TLN2: variants seen among roughly 807,000 people sequenced by gnomAD.
TLN2 encodes talin-2.
Under a neutral mutation model 294.7 loss-of-function variants are expected in TLN2, and 118 were observed. That is an observed-to-expected ratio of 0.40 (90% confidence interval 0.34 to 0.47). The LOEUF (loss-of-function observed/expected upper bound fraction) is 0.47, where lower values mean the gene tolerates loss of function less well. Ranked by LOEUF, TLN2 falls within the 20% of genes least tolerant of loss-of-function variation. The pLI is 0.84. For missense variants in TLN2, 3,083 were observed against 3,282.2 expected, an observed-to-expected ratio of 0.94 and a Z score of 1.48; for synonymous variants, 1,431 against 1,304.5, an observed-to-expected ratio of 1.10 and a Z score of -2.09.
At chr15:62,656,989 T>C (rs1486423641) in intron 8 of TLN2, among the ~76,000 whole-genome samples, 2 of 152,058 alleles carry the variant, frequency 1.3e-5, no homozygotes, top group Non-Finnish European at 2.9e-5. Context: ...GACGGAAGGA[T>C]GGCATGGAAA....
intron 3 of TLN2, among the ~76,000 whole-genome samples, chr15:62,626,986 T>C (rs2049341607): frequency 1.3e-5 from 2 of 152,334 alleles, no homozygotes; most frequent in South Asian, 4.1e-4. Flanking sequence ...ACATAAGTAT[T>C]TTAAACTCTG....
Position 62,796,180 on chromosome 15 carries a change from C to T in TLN2, c.5937C>T (p.Cys1979=), listed in dbSNP as rs1403537892. 6.2e-7 allele frequency: 1 copy of T among 1,614,282 alleles called. No individual in the cohort carries two copies. Among genetic ancestry groups the T allele is most frequent in the Admixed American group, 1.7e-5 (1 of 60,034 alleles). Residue 1979 remains cysteine (C), a synonymous_variant, in exon 47 of 59, where the codon TGC becomes TGT. Transcript: ENST00000636159. The part of the protein sequence containing the change: ...LQAGNKGTQA[C]ITAATAVSGI... The stretch of plus-strand genomic sequence containing the variant: ...CCGGGAACAAAGGAACCCAGGCATG[C>T]ATTACAGCCGCCACCGCTGTGTCTG...
intron 19 of TLN2, among the ~76,000 whole-genome samples, chr15:62,705,838 T>C (rs1354221266): frequency 6.6e-6 from 1 of 152,204 alleles, no homozygotes; most frequent in Non-Finnish European, 1.5e-5. Flanking sequence ...TGGGCTTTAA[T>C]TATACCTTGG....
intron 51 of TLN2, among the ~76,000 whole-genome samples, chr15:62,807,276 C>G (rs1036395735): frequency 5.3e-5 from 8 of 152,158 alleles, no homozygotes; most frequent in Non-Finnish European, 1.0e-4. Flanking sequence ...CACACGGAAT[C>G]TCAAAATTTT....
chr15:62,482,134 C>T (rs543528740), intron 1 of TLN2, among the ~76,000 whole-genome samples: 46 of 152,196 alleles, frequency 3.0e-4, no homozygotes, highest in Admixed American at 6.5e-4. Context: ...TTATATAAAA[C>T]GATAAATTAT....
chr15:62,742,353 A>G (rs889897608), intron 32 of TLN2, among the ~76,000 whole-genome samples: 6 of 152,086 alleles, frequency 3.9e-5, no homozygotes, highest in African/African-American at 1.4e-4. Context: ...TTTCCTACAA[A>G]GGAGCCTTTG....
intron 1 of TLN2, among the ~76,000 whole-genome samples, chr15:62,539,795 C>T (rs1019722833): frequency 6.6e-6 from 1 of 151,950 alleles, no homozygotes; most frequent in African/African-American, 2.4e-5. Flanking sequence ...CATCATCTAC[C>T]CTTTTGTTTG....
intron 1 of TLN2, among the ~76,000 whole-genome samples, chr15:62,469,157 G>C (rs2037324686): frequency 6.6e-6 from 1 of 152,216 alleles, no homozygotes; most frequent in African/African-American, 2.4e-5. Flanking sequence ...AAAGATTCCA[G>C]AAGCTTCTTG....
At chr15:62,720,017 T>TA in intron 25 of TLN2, 137 bp downstream of exon 25, 1 of 571,864 alleles carries the variant, frequency 1.7e-6, no homozygotes. Context: ...GCCTCTTCTT[T>TA]ACCTTTCCAG....
At chr15:62,416,726 C>G (rs2034107875) in intron 1 of TLN2, among the ~76,000 whole-genome samples, 2 of 152,182 alleles carry the variant, frequency 1.3e-5, no homozygotes, top group Non-Finnish European at 2.9e-5. Flanking sequence ...CACCCTGCCC[C>G]TTTGCCCAGA....
At chr15:62,739,653 C>T in intron 31 of TLN2, 108 bp downstream of exon 31, 8 of 1,357,366 alleles carry the variant, frequency 5.9e-6, no homozygotes, top group Non-Finnish European at 8.1e-6. Context: ...TGGAAACAGG[C>T]AGGCCATGGT....
chr15:62,501,971 A>G (rs1182453541), intron 1 of TLN2, among the ~76,000 whole-genome samples: 1 of 152,196 alleles, frequency 6.6e-6, no homozygotes, highest in Non-Finnish European at 1.5e-5. Context: ...GCACCTTGGT[A>G]TCAGTGGGTT....
intron 28 of TLN2, among the ~76,000 whole-genome samples, chr15:62,731,103 T>C (rs2077962676): frequency 6.6e-6 from 1 of 152,136 alleles, no homozygotes; most frequent in South Asian, 2.1e-4. Context: ...ATTTTAATTG[T>C]AAGTATCATA....
At chr15:62,438,621 G>A (rs928584361) in intron 1 of TLN2, among the ~76,000 whole-genome samples, 3 of 152,154 alleles carry the variant, frequency 2.0e-5, no homozygotes, top group African/African-American at 7.2e-5. Context: ...AGGTAGGTGG[G>A]GCCAACATTC....
Position 62,565,910 on chromosome 15 carries a change from C to CTGTGTGTGTG in TLN2, c.-237-23755_-237-23746dup, listed in dbSNP as rs71718001. On this transcript the variant is annotated intron_variant, in intron 1 of 58. Transcript: ENST00000636159. ...GTTGGATGGCTCTACTGTTTACTAG[C>CTGTGTGTGTG]TGTGTGTGTGTGTGTGTGTGTGTGT... Among the ~76,000 whole-genome samples, 40 of 148,490 alleles carry CTGTGTGTGTG rather than the reference C, an allele frequency of 2.7e-4. 1 individual carries two copies. Among genetic ancestry groups the CTGTGTGTGTG allele is most frequent in the Admixed American group, 1.7e-3 (25 of 14,894 alleles).
At chr15:62,561,720 T>C (rs2042975290) in intron 1 of TLN2, among the ~76,000 whole-genome samples, 1 of 142,038 alleles carries the variant, frequency 7.0e-6, no homozygotes, top group Non-Finnish European at 1.5e-5. Context: ...GATCGCCTGC[T>C]GCTGTCCTTG....
intron 1 of TLN2, among the ~76,000 whole-genome samples, chr15:62,409,591 T>C (rs955135340): frequency 6.6e-6 from 1 of 152,194 alleles, no homozygotes; most frequent in Non-Finnish European, 1.5e-5. Context: ...GTAAATTCCT[T>C]TGGAGCATTA....
rs986215425 is a variant in TLN2 at position 62,833,250 on chromosome 15, C to T, written c.7003-254C>T. The stretch of plus-strand genomic sequence containing the variant: ...GTGCCTGGCCATTGTCTCTTAATGC[C>T]TGAAAGGTACCAGCCACATCTTCCA... On this transcript the variant is annotated intron_variant, in intron 54 of 58. Transcript: ENST00000636159. 12 of 440,870 alleles carry T rather than the reference C, an allele frequency of 2.7e-5. No individual in the cohort carries two copies. The East Asian group carries it at 4.3e-4, about 16-fold the overall frequency. 27.3% of individuals were successfully genotyped at this position (440,870 alleles called of 1,614,324 possible).
intron 1 of TLN2, among the ~76,000 whole-genome samples, chr15:62,548,456 A>C: frequency 6.6e-6 from 1 of 152,200 alleles, no homozygotes; most frequent in East Asian, 1.9e-4. Flanking sequence ...AACTGGAAAA[A>C]GACCTACTTT....
Sources: allele counts gnomAD v4.1 joint callset (sites outside exome capture counted in the v4.1 genomes callset), GRCh38; gene constraint gnomAD v4.1.1; transcripts MANE v1.5; gene names NCBI Gene and HGNC (gene_info 2026-07-23, HGNC 2026-07-21).